The following MOBP variants were observed in gnomAD, a reference collection of about 807,000 sequenced individuals.
The protein encoded by MOBP is myelin-associated oligodendrocyte basic protein.
Under a neutral mutation model 15.0 loss-of-function variants are expected in MOBP, and 5 were observed. The ratio of observed to expected loss-of-function variants is 0.33; its 90% CI spans 0.17 to 0.70. The LOEUF (loss-of-function observed/expected upper bound fraction) is 0.70. MOBP is among the 30% of genes least tolerant of loss of function. The probability of loss-of-function intolerance (pLI) is 0.67; values close to 1 mark genes in which losing one functional copy is unlikely to be tolerated. For synonymous variants in MOBP, 88 were observed against 99.0 expected, an observed-to-expected ratio of 0.89 and a Z score of 0.66; for missense variants, 188 against 257.8, an observed-to-expected ratio of 0.73 and a Z score of 1.85.
exon 5 of MOBP, chr3:39,513,577 C>T (rs1412338966): frequency 7.9e-6 from 6 of 756,876 alleles, no homozygotes; most frequent in African/African-American, 1.8e-5. Flanking sequence ...GTCCCCATGG[C>T]ATGGGGGCCT....
intron 2 of MOBP, among the ~76,000 whole-genome samples, chr3:39,486,346 G>T (rs557729486): frequency 9.2e-5 from 14 of 152,134 alleles, no homozygotes; most frequent in African/African-American, 2.4e-4. Flanking sequence ...CTCATTCCAC[G>T]TGTTTGCTAT....
At chr3:39,501,846 C>T (rs550572853) in intron 2 of MOBP, among the ~76,000 whole-genome samples, 6 of 152,098 alleles carry the variant, frequency 3.9e-5, no homozygotes, top group Non-Finnish European at 8.8e-5. Context: ...TCCTTAAAAA[C>T]ACGATTTTTA....
chr3:39,524,180 A>G (rs1347702351), intron 3 of MOBP: 1 of 152,208 alleles, frequency 6.6e-6, no homozygotes, highest in African/African-American at 2.4e-5. Context: ...CCACTGGGGG[A>G]ATAACTGTGG....
chr3:39,496,179 A>G (rs1393521049), intron 2 of MOBP, among the ~76,000 whole-genome samples: 2 of 150,492 alleles, frequency 1.3e-5, no homozygotes, highest in East Asian at 1.9e-4. Flanking sequence ...AATTTGTATT[A>G]TTTTCTTTTT....
chr3:39,472,235 T>G (rs1445757571), intron 1 of MOBP, among the ~76,000 whole-genome samples: 3 of 152,262 alleles, frequency 2.0e-5, no homozygotes, highest in African/African-American at 7.2e-5. Flanking sequence ...TCCATTTTTT[T>G]GTTTTTGTTT....
chr3:39,518,562 G>T (rs1575323957), downstream of MOBP, among the ~76,000 whole-genome samples: 1 of 152,256 alleles, frequency 6.6e-6, no homozygotes, highest in East Asian at 1.9e-4. Flanking sequence ...CTCTATTAAT[G>T]AAACCATACC....
chr3:39,526,724 T>A (rs1025784501), downstream of MOBP: 6 of 151,698 alleles, frequency 4.0e-5, no homozygotes, highest in African/African-American at 1.2e-4. Context: ...TTATAGAGAT[T>A]GCTAATTTCC....
At chr3:39,477,601 C>T (rs978818014) in intron 1 of MOBP, among the ~76,000 whole-genome samples, 2 of 149,772 alleles carry the variant, frequency 1.3e-5, no homozygotes, top group African/African-American at 2.5e-5. Flanking sequence ...AGAGTGTGCT[C>T]CTTCTGCTTG....
chr3:39,469,446 A>ATTTTAATT (rs1225326894), intron 1 of MOBP, among the ~76,000 whole-genome samples: 4 of 100,342 alleles, frequency 4.0e-5, no homozygotes, highest in Non-Finnish European at 7.1e-5. Context: ...AATTAAAATT[A>ATTTTAATT]GAAAATTACT....
At chr3:39,480,590 G>T (rs1016159458) in intron 2 of MOBP, among the ~76,000 whole-genome samples, 11 of 152,300 alleles carry the variant, frequency 7.2e-5, no homozygotes, top group Admixed American at 7.2e-4. Context: ...GGGGGTCAGT[G>T]TCTTCCCCAC....
At chr3:39,507,698 C>A (rs2043065138), downstream of MOBP, among the ~76,000 whole-genome samples, 2 of 152,108 alleles carry the variant, frequency 1.3e-5, no homozygotes, top group Non-Finnish European at 2.9e-5. Flanking sequence ...TTAAGGAGCT[C>A]CTTCTCCAAT....
chr3:39,506,286 C>T (rs2043047070), downstream of MOBP, among the ~76,000 whole-genome samples: 3 of 152,144 alleles, frequency 2.0e-5, no homozygotes, highest in Middle Eastern at 3.2e-3. Flanking sequence ...TCTTTACTTC[C>T]TCAAATCCCA....
At chr3:39,513,754 G>A in exon 5 of MOBP, 1 of 306,236 alleles carries the variant, frequency 3.3e-6, no homozygotes, top group Non-Finnish European at 6.0e-6. Context: ...GTCTTTCATG[G>A]CTCAGGGTCA....
At chr3:39,497,606 T>G (rs1471410631) in intron 2 of MOBP, among the ~76,000 whole-genome samples, 1 of 152,254 alleles carries the variant, frequency 6.6e-6, no homozygotes, top group Non-Finnish European at 1.5e-5. Context: ...GACTTAGTCA[T>G]GTTCTGTAGA....
chr3:39,472,781 C>G (rs993943505), intron 1 of MOBP, among the ~76,000 whole-genome samples: 9 of 152,158 alleles, frequency 5.9e-5, no homozygotes, highest in African/African-American at 1.9e-4. Context: ...CAAAAATTAA[C>G]CAAGCGTGGT....
At chr3:39,489,457 T>A (rs2042762669) in intron 2 of MOBP, among the ~76,000 whole-genome samples, 1 of 152,210 alleles carries the variant, frequency 6.6e-6, no homozygotes, top group South Asian at 2.1e-4. Flanking sequence ...TAGGATTGTA[T>A]TTGGCTGCCT....
downstream of MOBP, chr3:39,529,426 A>G (rs986195675): frequency 1.3e-5 from 2 of 152,226 alleles, no homozygotes; most frequent in Admixed American, 6.5e-5. Flanking sequence ...AGGTCAAAAT[A>G]ATGCCAGTTG....
intron 2 of MOBP, among the ~76,000 whole-genome samples, chr3:39,498,179 C>CT: frequency 6.6e-6 from 1 of 152,150 alleles, no homozygotes; most frequent in Non-Finnish European, 1.5e-5. Flanking sequence ...AAAACGATGA[C>CT]TCTGATTTAG....
intron 1 of MOBP, among the ~76,000 whole-genome samples, chr3:39,477,988 A>G (rs1185038063): frequency 6.6e-6 from 1 of 152,188 alleles, no homozygotes; most frequent in African/African-American, 2.4e-5. Context: ...ATTTAAGTTT[A>G]TAAAGTAAAA....
Sources: allele counts gnomAD v4.1 joint callset (sites outside exome capture counted in the v4.1 genomes callset), GRCh38; gene constraint gnomAD v4.1.1; transcripts MANE v1.5; gene names NCBI Gene and HGNC (gene_info 2026-07-23, HGNC 2026-07-21).